Variants in SBDS observed in about 807,000 individuals in gnomAD.
SBDS encodes SBDS ribosome maturation factor, also known as ribosome maturation protein SBDS.
In SBDS, 20 loss-of-function variants were observed where a neutral mutation model predicts 26.4. The ratio of observed to expected loss-of-function variants is 0.76; its 90% CI spans 0.53 to 1.10. The LOEUF is 1.10. SBDS is among the 50% of genes least tolerant of loss of function. The pLI, the probability that SBDS is intolerant of heterozygous loss-of-function variation, is 0.00. For synonymous variants in SBDS, 95 were observed against 105.1 expected (o/e 0.90, Z 0.59); for missense variants, 241 against 302.0 (o/e 0.80, Z 1.50).
chr7:66,994,161 A>C, intron 2 of SBDS, 51 bp downstream of exon 2: 2 of 1,598,882 alleles, frequency 1.3e-6, no homozygotes, highest in South Asian at 2.2e-5. Flanking sequence ...TATATCTACA[A>C]ATACGTTATA....
At position 66,995,555 on chromosome 7, in the gene SBDS, C is replaced by T; in HGVS notation, c.-138G>A. Reference sequence around the variant, plus strand: ...ACCACCAGTGCGCGGCGCCGCGACTCACTAGCTTCAGGCAGCCGTCACAGT... The same window carrying T: ...ACCACCAGTGCGCGGCGCCGCGACTTACTAGCTTCAGGCAGCCGTCACAGT... On this transcript the variant is annotated 5_prime_UTR_variant, in exon 1 of 5. Transcript: ENST00000246868. 1.6e-6 allele frequency: 2 copies of T among 1,271,776 alleles called. No homozygotes were observed. The highest frequency in any genetic ancestry group is 2.2e-6 in the Non-Finnish European group (2 of 899,348). The allele number at this position is 1,271,776 out of a possible 1,614,324, so 78.8% of individuals were successfully genotyped here.
In SBDS at chr7:66,995,472, A is replaced by C. The variant is rs1793091939; in HGVS notation, c.-55T>G. The C allele has an allele frequency of 6.2e-7, 1 of 1,610,844 alleles. No individual in the cohort carries two copies. The highest frequency in any genetic ancestry group is 1.3e-5 in the African/African-American group (1 of 74,974). On this transcript the variant is annotated 5_prime_UTR_variant, in exon 1 of 5. Transcript: ENST00000246868. ...GAACCAGGGCTGACCCGCGCCGTCC[A>C]GCCTGAAGGCCACCAGCGCCTCGCG...
In SBDS at chr7:66,994,339, T is replaced by A; in HGVS notation, c.131A>T (p.Glu44Val). 1 of 1,613,870 alleles carries A rather than the reference T, an allele frequency of 6.2e-7. No individual in the cohort carries two copies. Among genetic ancestry groups the A allele is most frequent in the Non-Finnish European group, 8.5e-7 (1 of 1,179,838 alleles). The change falls in exon 2 of 5, where the codon GAA becomes GTA. Residue 44 changes from glutamate to valine, a missense_variant and splice_region_variant. Transcript: ENST00000246868. ...CTGCAGAACTTCATCGAGGTCTTTTTCCCTTGTGAGGGCAGGAGAGAAAGT... is the reference window on the plus strand; with the variant it reads ...CTGCAGAACTTCATCGAGGTCTTTTACCCTTGTGAGGGCAGGAGAGAAAGT... ...NKVVGWRSGVEKDLDEVLQTH... is the reference protein window; with the variant it reads ...NKVVGWRSGVVKDLDEVLQTH...
Position 66,995,548 on chromosome 7 carries a change from C to A in SBDS, c.-131G>T, listed in dbSNP as rs1793095130. 1 of 1,345,952 alleles carries A rather than the reference C, an allele frequency of 7.4e-7. No individual in the cohort carries two copies. Among genetic ancestry groups the A allele is most frequent in the South Asian group, 1.2e-5 (1 of 80,806 alleles). The allele number at this position is 1,345,952 out of a possible 1,614,324, so 83.4% of individuals were successfully genotyped here. A position where few individuals can be genotyped will look rare whatever the true frequency, so the allele number is the denominator to read the frequency against. Reference sequence around the variant, plus strand: ...TGACCCAACCACCAGTGCGCGGCGCCGCGACTCACTAGCTTCAGGCAGCCG... The same window carrying A: ...TGACCCAACCACCAGTGCGCGGCGCAGCGACTCACTAGCTTCAGGCAGCCG... On this transcript the variant is annotated 5_prime_UTR_variant, in exon 1 of 5. Transcript: ENST00000246868.
chr7:66,991,750 C>T (rs78841929), intron 3 of SBDS, among the ~76,000 whole-genome samples: 8 of 47,536 alleles, frequency 1.7e-4, no homozygotes, highest in African/African-American at 3.7e-4. Flanking sequence ...AAAAAGAGGG[C>T]GGGGGGGGTG....
At position 66,993,408 on chromosome 7, in the gene SBDS, T is replaced by TA. The variant is rs1793017573; in HGVS notation, c.267dup (p.Lys90Ter). 6.2e-7 allele frequency: 1 copy of TA among 1,613,612 alleles called. No homozygotes were observed. Among genetic ancestry groups the TA allele is most frequent in the African/African-American group, 1.3e-5 (1 of 74,918 alleles). The stretch of plus-strand genomic sequence containing the variant: ...TTATCTGATACTTGAACTTCTCCTT[T>TA]AGTCAAAATCTAAAAAAATGCCAAC... On this transcript the variant is annotated frameshift_variant, in exon 3 of 5. Transcript: ENST00000246868. LOFTEE classifies it high-confidence loss of function.
chr7:66,988,848 T>C (rs866212907), intron 4 of SBDS, among the ~76,000 whole-genome samples: 8 of 152,278 alleles, frequency 5.3e-5, no homozygotes, highest in Middle Eastern at 6.8e-3. Flanking sequence ...CCTCCACGTA[T>C]GAAGGAGAAA....
chr7:66,993,709 A>G (rs990760524), intron 2 of SBDS, among the ~76,000 whole-genome samples: 2 of 152,014 alleles, frequency 1.3e-5, no homozygotes, highest in Admixed American at 1.3e-4. Flanking sequence ...CCCCATCTCT[A>G]CTAAAAATCC....
At chr7:66,988,984 C>G (rs1007414380) in intron 4 of SBDS, among the ~76,000 whole-genome samples, 1 of 152,156 alleles carries the variant, frequency 6.6e-6, no homozygotes, top group Non-Finnish European at 1.5e-5. Context: ...ATTCTCCTGC[C>G]TCAGCCTCCC....
chr7:66,993,202 T>C lies in SBDS; in HGVS notation c.459+15A>G, dbSNP rs745600556. ...TTTCCATGGCTATATTTTGATGACA[T>C]GAGAAACCACTCACCTGCTGTTTTG... On this transcript the variant is annotated intron_variant, in intron 3 of 4. Coordinates refer to ENST00000246868, the MANE Select transcript of SBDS (RefSeq NM_016038.4). 7 of 1,607,768 alleles carry C rather than the reference T, an allele frequency of 4.4e-6. No homozygotes were observed. Among genetic ancestry groups the C allele is most frequent in the Non-Finnish European group, 6.0e-6 (7 of 1,174,252 alleles).
intron 4 of SBDS, among the ~76,000 whole-genome samples, chr7:66,988,881 G>T (rs573001730): frequency 6.6e-6 from 1 of 152,186 alleles, no homozygotes; most frequent in Non-Finnish European, 1.5e-5. Flanking sequence ...GACTTATGTA[G>T]ACACCATGTG....
chr7:66,993,691 T>C (rs999189022), intron 2 of SBDS, among the ~76,000 whole-genome samples: 1 of 151,996 alleles, frequency 6.6e-6, no homozygotes, highest in Non-Finnish European at 1.5e-5. Flanking sequence ...CTGGCCAACA[T>C]GGTGAAACCC....
At chr7:66,992,888 T>C (rs188507581) in intron 3 of SBDS, among the ~76,000 whole-genome samples, 1 of 151,274 alleles carries the variant, frequency 6.6e-6, no homozygotes. Flanking sequence ...GTGCCTATAA[T>C]CCCAGCTACT....
chr7:66,993,842 G>C (rs1793027323), intron 2 of SBDS, among the ~76,000 whole-genome samples: 1 of 151,490 alleles, frequency 6.6e-6, no homozygotes, highest in Non-Finnish European at 1.5e-5. Flanking sequence ...GAAGTGCACT[G>C]CACTCCAGCC....
rs1792969208 is a variant in SBDS at position 66,991,265 on chromosome 7, T to C, written c.496A>G (p.Lys166Glu). ...EVIKQLKEKM[K>E]IERAHMRLRF... ...AGCCTCATGTGAGCACGTTCTATCTTCATTTTCTCTTTTAACTGCTTTATC... is the reference window on the plus strand; with the variant it reads ...AGCCTCATGTGAGCACGTTCTATCTCCATTTTCTCTTTTAACTGCTTTATC... The change falls in exon 4 of 5, where the codon AAG (lysine) becomes GAG (glutamate). Residue 166 changes from lysine (K) to glutamate (E), a missense_variant. By Grantham distance (56) the Lys-to-Glu change is moderately conservative. Transcript: ENST00000246868. The C allele has an allele frequency of 6.2e-7, 1 of 1,613,422 alleles. No homozygotes were observed. The highest frequency in any genetic ancestry group is 1.3e-5 in the African/African-American group (1 of 75,022).
intron 3 of SBDS, among the ~76,000 whole-genome samples, chr7:66,991,549 T>C (rs1792974938): frequency 6.6e-6 from 1 of 152,018 alleles, no homozygotes; most frequent in South Asian, 2.1e-4. Context: ...TTCCAGCACT[T>C]TGGGAGGCCG....
intron 3 of SBDS, among the ~76,000 whole-genome samples, chr7:66,992,926 G>C (rs541468016): frequency 6.6e-6 from 1 of 151,580 alleles, no homozygotes; most frequent in South Asian, 2.1e-4. Flanking sequence ...AGACTTGCTT[G>C]AACGCGGGAG....
At chr7:66,993,074 G>C in intron 3 of SBDS, 143 bp downstream of exon 3, 1 of 802,490 alleles carries the variant, frequency 1.2e-6, no homozygotes, top group South Asian at 1.4e-5. Context: ...CAGGCCTCAA[G>C]CAATCCTCCC....
rs551430811 is a variant in SBDS at position 66,994,086 on chromosome 7, C to T, written c.258+126G>A. 8.6e-4 allele frequency: 718 copies of T among 830,742 alleles called. 1 individual carries two copies. The highest frequency in any genetic ancestry group is 1.2e-3 in the Non-Finnish European group (605 of 504,778). 51.5% of individuals were successfully genotyped at this position (830,742 alleles called of 1,614,324 possible). On this transcript the variant is annotated intron_variant, in intron 2 of 4. Transcript: ENST00000246868. ...CCAAGTTCTTTATTATTAGAAGTGA[C>T]ACTGTGCAGTTCACATTATTGCTTG...
Sources: gnomAD v4.1 joint callset for allele counts (sites outside exome capture counted in the v4.1 genomes callset) on GRCh38, gnomAD v4.1.1 for gene constraint, MANE v1.5 for transcripts, NCBI Gene and HGNC (gene_info 2026-07-23, HGNC 2026-07-21) for gene names.